The following PITPNC1 variants were observed in gnomAD, a reference collection of about 807,000 sequenced individuals.
PITPNC1 encodes cytoplasmic phosphatidylinositol transfer protein 1.
In PITPNC1, 18 loss-of-function variants were observed where a neutral mutation model predicts 44.7. The ratio of observed to expected loss-of-function variants is 0.40; its 90% CI spans 0.28 to 0.60. The LOEUF (loss-of-function observed/expected upper bound fraction) is 0.60, where lower values mean the gene tolerates loss of function less well. Ranked by LOEUF, PITPNC1 falls within the 20% of genes least tolerant of loss-of-function variation. The pLI is 0.39. For missense variants in PITPNC1, 290 were observed against 418.4 expected, an observed-to-expected ratio of 0.69 and a Z score of 2.68; for synonymous variants, 141 against 149.6, an observed-to-expected ratio of 0.94 and a Z score of 0.42.
intron 1 of PITPNC1, among the ~76,000 whole-genome samples, chr17:67,407,978 C>CA (rs2038425967): frequency 6.6e-6 from 1 of 151,886 alleles, no homozygotes; most frequent in African/African-American, 2.4e-5. Context: ...TTTTTTGAGA[C>CA]AGAGTCTTGC....
chr17:67,514,444 G>A (rs1002078980), intron 1 of PITPNC1, among the ~76,000 whole-genome samples: 4 of 150,420 alleles, frequency 2.7e-5, no homozygotes, highest in East Asian at 2.0e-4. Flanking sequence ...CAGGTGATCC[G>A]CCTGCCTCGG....
In PITPNC1 at chr17:67,596,282, T is replaced by C. The variant is rs1464420181; in HGVS notation, c.366+18025T>C. On this transcript the variant is annotated intron_variant, in intron 5 of 8. Coordinates refer to ENST00000581322, the MANE Select transcript of PITPNC1 (RefSeq NM_012417.4). Reference sequence around the variant, plus strand: ...ACCCAGCTATATTTGCTTGGAACCATCTGGGTCTCTTGGAATAGATAATGT... The same window carrying C: ...ACCCAGCTATATTTGCTTGGAACCACCTGGGTCTCTTGGAATAGATAATGT... 4.6e-5 allele frequency among the ~76,000 whole-genome samples: 7 copies of C among 152,198 alleles called. No homozygotes were observed. The East Asian group carries it at 9.6e-4, about 21-fold the overall frequency.
At chr17:67,535,368 G>A (rs182026381) in intron 2 of PITPNC1, among the ~76,000 whole-genome samples, 4 of 152,304 alleles carry the variant, frequency 2.6e-5, no homozygotes, top group Admixed American at 2.6e-4. Flanking sequence ...AGAGAAGTGA[G>A]GAAGATGCCA....
intron 1 of PITPNC1, among the ~76,000 whole-genome samples, chr17:67,382,331 G>A (rs1444866595): frequency 1.4e-5 from 2 of 140,214 alleles, no homozygotes. Context: ...TGTTGGTGGG[G>A]TTTTTTGGTG....
At position 67,384,648 on chromosome 17, in the gene PITPNC1, A is replaced by G. The variant is rs552632291; in HGVS notation, c.48+6446A>G. Among the ~76,000 whole-genome samples the G allele has an allele frequency of 1.3e-3, 200 of 152,166 alleles. 1 individual carries two copies. Among genetic ancestry groups the G allele is most frequent in the African/African-American group, 4.6e-3 (191 of 41,532 alleles). ...CACCCTTTTAACCAGGATGGTCTCG[A>G]TCTCCTGACCTCGTGATCTGCCCGC... On this transcript the variant is annotated intron_variant, in intron 1 of 8. Coordinates refer to ENST00000581322, the MANE Select transcript of PITPNC1 (RefSeq NM_012417.4).
intron 5 of PITPNC1, among the ~76,000 whole-genome samples, chr17:67,599,837 A>G (rs76458022): frequency 0.015 from 2,302 of 152,306 alleles, 78 homozygotes; most frequent in Admixed American, 0.078. Context: ...AAAGAAGTTC[A>G]TGTTCGGGTG....
chr17:67,668,461 A>T (rs1190196869), intron 6 of PITPNC1, among the ~76,000 whole-genome samples: 1 of 152,094 alleles, frequency 6.6e-6, no homozygotes, highest in East Asian at 1.9e-4. Context: ...GGTGGCTCAC[A>T]CCTGTAATCC....
chr17:67,565,283 T>C (rs1431536778), intron 4 of PITPNC1, among the ~76,000 whole-genome samples: 1 of 152,016 alleles, frequency 6.6e-6, no homozygotes, highest in African/African-American at 2.4e-5. Flanking sequence ...CCATGGTTTT[T>C]GATGTGTATA....
intron 1 of PITPNC1, among the ~76,000 whole-genome samples, chr17:67,497,936 C>G (rs2039977965): frequency 6.6e-6 from 1 of 151,574 alleles, no homozygotes; most frequent in African/African-American, 2.4e-5. Context: ...TCTTGGCTCA[C>G]TACAACCTTC....
intron 1 of PITPNC1, among the ~76,000 whole-genome samples, chr17:67,405,091 A>G (rs1389511099): frequency 6.6e-6 from 1 of 152,128 alleles, no homozygotes; most frequent in Non-Finnish European, 1.5e-5. Context: ...TACTAAAAAT[A>G]CAAAAATTAG....
At chr17:67,652,406 G>A (rs775620785) in intron 6 of PITPNC1, among the ~76,000 whole-genome samples, 3 of 152,188 alleles carry the variant, frequency 2.0e-5, no homozygotes, top group Non-Finnish European at 4.4e-5. Context: ...GCCTGCAGGT[G>A]TGGCTGATCC....
intron 6 of PITPNC1, among the ~76,000 whole-genome samples, chr17:67,660,862 C>CTTT (rs141244732): frequency 8.9e-6 from 1 of 111,862 alleles, no homozygotes; most frequent in African/African-American, 3.4e-5. Context: ...ATCACATTCT[C>CTTT]TTTTTTTTTT....
At chr17:67,681,339 G>A (rs1208274598) in intron 8 of PITPNC1, among the ~76,000 whole-genome samples, 1 of 152,096 alleles carries the variant, frequency 6.6e-6, no homozygotes, top group African/African-American at 2.4e-5. Flanking sequence ...TTGGCCAGGT[G>A]TGGTTGTTCA....
chr17:67,382,243 A>C (rs1469847706), intron 1 of PITPNC1, among the ~76,000 whole-genome samples: 1 of 152,106 alleles, frequency 6.6e-6, no homozygotes, highest in Non-Finnish European at 1.5e-5. Context: ...TAACACATAA[A>C]ATGTTCTCTA....
intron 1 of PITPNC1, among the ~76,000 whole-genome samples, chr17:67,390,870 A>G (rs948667336): frequency 3.3e-5 from 5 of 152,224 alleles, no homozygotes; most frequent in African/African-American, 1.2e-4. Flanking sequence ...TTGACTTAGT[A>G]ATACTGAAGC....
At chr17:67,644,584 G>A (rs2042127151) in intron 6 of PITPNC1, among the ~76,000 whole-genome samples, 1 of 151,900 alleles carries the variant, frequency 6.6e-6, no homozygotes, top group African/African-American at 2.4e-5. Context: ...ACAGGTGCAC[G>A]CCACCACGCC....
In PITPNC1 at chr17:67,675,388, C is replaced by T. The variant is rs944434814; in HGVS notation, c.619-91C>T. The stretch of plus-strand genomic sequence containing the variant: ...ACAGAGGGATTAAGAACTCTGTAAT[C>T]ACCAAGATCCCCAGAATTGTTAACA... On this transcript the variant is annotated intron_variant, in intron 7 of 8. Coordinates refer to ENST00000581322, the MANE Select transcript of PITPNC1 (RefSeq NM_012417.4). 9 of 918,082 alleles carry T rather than the reference C, an allele frequency of 9.8e-6. No individual in the cohort carries two copies. In the Admixed American group the frequency reaches 1.6e-4, roughly 16 times the overall value. 56.9% of individuals were successfully genotyped at this position (918,082 alleles called of 1,614,324 possible). A position where few individuals can be genotyped will look rare whatever the true frequency, so the allele number is the denominator to read the frequency against.
intron 5 of PITPNC1, among the ~76,000 whole-genome samples, chr17:67,582,625 CT>C (rs2041250853): frequency 6.6e-6 from 1 of 151,586 alleles, no homozygotes; most frequent in African/African-American, 2.4e-5. Context: ...AAATATCTTC[CT>C]TGTTAAAAAT....
chr17:67,607,744 T>C (rs1488236840), intron 5 of PITPNC1, among the ~76,000 whole-genome samples: 1 of 151,696 alleles, frequency 6.6e-6, no homozygotes, highest in Non-Finnish European at 1.5e-5. Context: ...TTTTTTTTTT[T>C]TGAGATGGAG....
Sources: allele counts gnomAD v4.1 joint callset (sites outside exome capture counted in the v4.1 genomes callset), GRCh38; gene constraint gnomAD v4.1.1; transcripts MANE v1.5; gene names NCBI Gene and HGNC (gene_info 2026-07-23, HGNC 2026-07-21).